The following TSC22D2 variants were observed in gnomAD, a reference collection of about 807,000 sequenced individuals.
TSC22D2 encodes the protein TSC22 domain family protein 2.
A neutral mutation model predicts 50.1 loss-of-function variants in TSC22D2; 5 were observed. The ratio of observed to expected loss-of-function variants is 0.10; its 90% CI spans 0.05 to 0.21. The LOEUF (loss-of-function observed/expected upper bound fraction) is 0.21. Ranked by LOEUF, TSC22D2 falls within the 10% of genes least tolerant of loss-of-function variation. The pLI is 1.00. For missense variants in TSC22D2, 1,003 were observed against 1,015.5 expected (o/e 0.99, Z 0.17); for synonymous variants, 501 against 450.1 (o/e 1.11, Z -1.43).
intron 1 of TSC22D2, chr3:150,438,186 A>G (rs959131684): frequency 1.2e-5 from 5 of 410,928 alleles, no homozygotes; most frequent in Non-Finnish European, 2.0e-5. Context: ...ATTTACTTAA[A>G]CTCTTTGCTA....
At chr3:150,425,415 C>T (rs1043380828) in intron 1 of TSC22D2, among the ~76,000 whole-genome samples, 1 of 152,082 alleles carries the variant, frequency 6.6e-6, no homozygotes, top group Non-Finnish European at 1.5e-5. Flanking sequence ...ACTCGGGAGG[C>T]CAAGGCAGGA....
Position 150,411,244 on chromosome 3 carries a change from C to G in TSC22D2, c.1894C>G (p.Pro632Ala), listed in dbSNP as rs749714502. Reference sequence around the variant, plus strand: ...CCTGGCAAACCCCCTTCAGTTAACACCTATGAACAGTCTGGCCACCTCTGT... The same window carrying G: ...CCTGGCAAACCCCCTTCAGTTAACAGCTATGAACAGTCTGGCCACCTCTGT... ...DSLANPLQLT[P>A]MNSLATSVFS... Residue 632 changes from proline (P) to alanine (A), a missense_variant, in exon 1 of 3, where the codon CCT becomes GCT. Coordinates refer to ENST00000688009, the MANE Select transcript of TSC22D2 (RefSeq NM_001303264.2). 1.1e-5 allele frequency: 18 copies of G among 1,614,178 alleles called. No individual in the cohort carries two copies. Among genetic ancestry groups the G allele is most frequent in the Non-Finnish European group, 1.4e-5 (17 of 1,180,010 alleles).
At chr3:150,441,394 T>C (rs1037110314) in intron 1 of TSC22D2, among the ~76,000 whole-genome samples, 2 of 152,198 alleles carry the variant, frequency 1.3e-5, no homozygotes, top group Admixed American at 1.3e-4. Context: ...TTCCCTCCTG[T>C]TTTTCCTTCT....
intron 1 of TSC22D2, among the ~76,000 whole-genome samples, chr3:150,455,818 G>A (rs779391463): frequency 4.6e-5 from 7 of 151,956 alleles, no homozygotes; most frequent in Non-Finnish European, 8.8e-5. Context: ...TTATCTTTTC[G>A]TATTGATACA....
rs751254071 is a variant in TSC22D2 at position 150,410,297 on chromosome 3, G to A, written c.947G>A (p.Gly316Glu). 8 of 1,565,160 alleles carry A rather than the reference G, an allele frequency of 5.1e-6. No individual in the cohort carries two copies. In the African/African-American group the frequency reaches 8.1e-5, roughly 16 times the overall value. ...GCCGCGCAGCCCAGCCAGCCCCAGG[G>A]AGCGGGGCCCGGGGGACAGACTCTG... ...MAAAQPSQPQ[G>E]AGPGGQTLPP... The change falls in exon 1 of 3, where the codon GGA becomes GAA. Residue 316 changes from glycine to glutamate, a missense_variant. By Grantham distance (98) the Gly-to-Glu change is moderately conservative. Coordinates refer to ENST00000688009, the MANE Select transcript of TSC22D2 (RefSeq NM_001303264.2).
chr3:150,438,287 G>A (rs750812625), intron 1 of TSC22D2: 12 of 394,174 alleles, frequency 3.0e-5, no homozygotes, highest in African/African-American at 1.4e-4. Context: ...CCCTCACATG[G>A]TTGGAGGGTT....
In TSC22D2 at chr3:150,411,300, T is replaced by G. The variant is rs976711366; in HGVS notation, c.1950T>G (p.Asp650Glu). ...GCATAGCTATTCCTGTTGATGGTGA[T>G]GAAGACAGGTATGGAAATCTCTATT... ...VFSIAIPVDG[D>E]EDSASGGGVV... Residue 650 changes from aspartate to glutamate, a missense_variant, in exon 1 of 3, where the codon GAT becomes GAG. By Grantham distance (45) the Asp-to-Glu change is conservative. This residue lies in a region of TSC22D2 where 696 missense variants were observed against 647.8 expected (regional missense o/e 1.07). Coordinates refer to ENST00000688009, the MANE Select transcript of TSC22D2 (RefSeq NM_001303264.2). 3 of 1,607,346 alleles carry G rather than the reference T, an allele frequency of 1.9e-6. No individual in the cohort carries two copies. The African/African-American group carries it at 4.0e-5, about 22-fold the overall frequency.
At chr3:150,428,255 G>C (rs1720259458) in intron 1 of TSC22D2, among the ~76,000 whole-genome samples, 1 of 152,042 alleles carries the variant, frequency 6.6e-6, no homozygotes, top group African/African-American at 2.4e-5. Flanking sequence ...TATTCTCACA[G>C]GACTCTTTCG....
rs1258944428 is a variant in TSC22D2 at position 150,462,879 on chromosome 3, C to T, written c.*4243C>T. ...GAACTCCTGACCTCAAGTCATCTCCCCCGCCCGCCTGGGCCTCCCAAAGTG... is the reference window on the plus strand; with the variant it reads ...GAACTCCTGACCTCAAGTCATCTCCTCCGCCCGCCTGGGCCTCCCAAAGTG... On this transcript the variant is annotated 3_prime_UTR_variant, in exon 3 of 3. Coordinates refer to ENST00000688009, the MANE Select transcript of TSC22D2 (RefSeq NM_001303264.2). 1.3e-5 allele frequency: 2 copies of T among 152,144 alleles called. No homozygotes were observed. The highest frequency in any genetic ancestry group is 2.9e-5 in the Non-Finnish European group (2 of 68,104). The allele number at this position is 152,144 out of a possible 1,614,324, so 9.4% of individuals were successfully genotyped here.
At chr3:150,453,274 G>A (rs1358820519) in intron 1 of TSC22D2, among the ~76,000 whole-genome samples, 3 of 152,298 alleles carry the variant, frequency 2.0e-5, no homozygotes, top group African/African-American at 4.8e-5. Context: ...ATAACATTAG[G>A]TGAAGGAAGG....
At chr3:150,435,754 GA>G (rs1720519485) in intron 1 of TSC22D2, among the ~76,000 whole-genome samples, 1 of 152,032 alleles carries the variant, frequency 6.6e-6, no homozygotes, top group Admixed American at 6.5e-5. Flanking sequence ...TAATTACTTG[GA>G]AATTATAAAT....
chr3:150,441,242 A>T (rs762265480), intron 1 of TSC22D2, among the ~76,000 whole-genome samples: 1 of 152,060 alleles, frequency 6.6e-6, no homozygotes, highest in Non-Finnish European at 1.5e-5. Context: ...TGGAATACAT[A>T]TATATTAATA....
At chr3:150,428,101 G>C (rs1012363612) in intron 1 of TSC22D2, among the ~76,000 whole-genome samples, 1 of 151,942 alleles carries the variant, frequency 6.6e-6, no homozygotes, top group Non-Finnish European at 1.5e-5. Context: ...TTTAGTCATT[G>C]TGTCTTCCAT....
Position 150,409,334 on chromosome 3 carries a change from C to T in TSC22D2, c.-17C>T, listed in dbSNP as rs1251679065. 3 of 1,582,740 alleles carry T rather than the reference C, an allele frequency of 1.9e-6. No individual in the cohort carries two copies. The Admixed American group carries it at 5.2e-5, about 27-fold the overall frequency. ...AGAGGAGCCGGCGTGCCTCTCTGCC[C>T]TCCAGCCTTCTTCACCATGTCCAAG... On this transcript the variant is annotated 5_prime_UTR_variant, in exon 1 of 3. Coordinates refer to ENST00000688009, the MANE Select transcript of TSC22D2 (RefSeq NM_001303264.2). This position sits in a 1 kb window ranked among gnomAD's most constrained non-coding sequence, Gnocchi z 7.4.
intron 1 of TSC22D2, among the ~76,000 whole-genome samples, chr3:150,419,630 T>C (rs1308811735): frequency 6.6e-6 from 1 of 152,110 alleles, no homozygotes; most frequent in Non-Finnish European, 1.5e-5. Context: ...TTTGTTTTTT[T>C]CTCCCTGTTG....
chr3:150,409,970 C>T lies in TSC22D2; in HGVS notation c.620C>T (p.Thr207Ile), dbSNP rs1423722874. The T allele has an allele frequency of 8.7e-6, 14 of 1,613,822 alleles. No individual in the cohort carries two copies. The highest frequency in any genetic ancestry group is 1.2e-5 in the Non-Finnish European group (14 of 1,180,042). The stretch of plus-strand genomic sequence containing the variant: ...GGGGATTGCATTAGACACAGCAGTA[C>T]TTTTGACCAGACTGCGGAGCGGGAC... ...RSGDCIRHSS[T>I]FDQTAERDSG... Residue 207 changes from threonine (T) to isoleucine (I), a missense_variant, in exon 1 of 3, where the codon ACT becomes ATT. Physicochemically the swap from Thr to Ile is moderately conservative, Grantham distance 89 (BLOSUM62 -1). This residue lies in a region of TSC22D2 where 696 missense variants were observed against 647.8 expected (regional missense o/e 1.07). Transcript: ENST00000688009. This position sits in a 1 kb window ranked among gnomAD's most constrained non-coding sequence, Gnocchi z 7.4.
chr3:150,414,604 GT>G (rs780276568), intron 1 of TSC22D2, among the ~76,000 whole-genome samples: 10 of 152,154 alleles, frequency 6.6e-5, no homozygotes, highest in Non-Finnish European at 1.3e-4. Context: ...TTTTATTTGT[GT>G]GGTTTGCTAA....
At chr3:150,429,615 A>G (rs1355292078) in intron 1 of TSC22D2, among the ~76,000 whole-genome samples, 1 of 151,952 alleles carries the variant, frequency 6.6e-6, no homozygotes, top group East Asian at 1.9e-4. Flanking sequence ...TGGGAAAGAA[A>G]GAAATTGTAT....
rs1480448495 is a variant in TSC22D2 at position 150,458,711 on chromosome 3, T to C, written c.*75T>C. 16 of 1,560,416 alleles carry C rather than the reference T, an allele frequency of 1.0e-5. No individual in the cohort carries two copies. The African/African-American group carries it at 1.5e-4, about 15-fold the overall frequency. ...TGTGCCACTGGTGTTCTTTCCACTT[T>C]ATACGAAAGCAAGTAGCCATGCTTT... On this transcript the variant is annotated 3_prime_UTR_variant, in exon 3 of 3. Transcript: ENST00000688009.
Sources: gnomAD v4.1 joint callset for allele counts (sites outside exome capture counted in the v4.1 genomes callset) on GRCh38, gnomAD v4.1.1 for gene constraint, gnomAD v4.1.1 regional missense constraint, Gnocchi (gnomAD v3.1) non-coding constraint, MANE v1.5 for transcripts, NCBI Gene and HGNC (gene_info 2026-07-23, HGNC 2026-07-21) for gene names.